ATP2A2: variants seen among roughly 807,000 people sequenced by gnomAD.
ATP2A2 encodes the protein ATPase sarcoplasmic/endoplasmic reticulum Ca2+ transporting 2, also known as sarcoplasmic/endoplasmic reticulum calcium ATPase 2.
In ATP2A2, 14 loss-of-function variants were observed where a neutral mutation model predicts 109.3. The ratio of observed to expected loss-of-function variants is 0.13; its 90% CI spans 0.08 to 0.20. The LOEUF (loss-of-function observed/expected upper bound fraction) is 0.20, where lower values mean the gene tolerates loss of function less well. Ranked by LOEUF, ATP2A2 falls within the 10% of genes least tolerant of loss-of-function variation. ATP2A2 has a pLI of 1.00. For synonymous variants in ATP2A2, 506 were observed against 490.9 expected (o/e 1.03, Z -0.41); for missense variants, 657 against 1,321.6 (o/e 0.50, Z 7.80).
At chr12:110,337,812 TAACGCTGACAGTGTGTTTAC>T (rs1329766065) in intron 11 of ATP2A2, among the ~76,000 whole-genome samples, 4 of 152,226 alleles carry the variant, frequency 2.6e-5, no homozygotes, top group Non-Finnish European at 5.9e-5. Flanking sequence ...AGTGTGTCTT[TAACGCTGACAGTGTGTTTAC>T]ACAGAGACCA....
rs1037302087 is a variant in ATP2A2 at position 110,287,658 on chromosome 12, A to T, written c.220-4362A>T. Among the ~76,000 whole-genome samples, 5 of 152,286 alleles carry T rather than the reference A, an allele frequency of 3.3e-5. No individual in the cohort carries two copies. In the South Asian group the frequency reaches 6.2e-4, roughly 19 times the overall value. ...GAGACGGAGTCCTGCTCTGTCGCCCAGATTGGAGTGCAGTGGTGCGATCTT... is the reference window on the plus strand; with the variant it reads ...GAGACGGAGTCCTGCTCTGTCGCCCTGATTGGAGTGCAGTGGTGCGATCTT... On this transcript the variant is annotated intron_variant, in intron 3 of 19. Coordinates refer to ENST00000539276, the MANE Select transcript of ATP2A2 (RefSeq NM_170665.4).
In ATP2A2 at chr12:110,346,764, T is replaced by A. The variant is rs1228368859; in HGVS notation, c.*294T>A. 2.5e-6 allele frequency: 3 copies of A among 1,197,358 alleles called. No individual in the cohort carries two copies. The highest frequency in any genetic ancestry group is 4.9e-5 in the East Asian group (1 of 20,424). The allele number at this position is 1,197,358 out of a possible 1,614,324, so 74.2% of individuals were successfully genotyped here. A position where few individuals can be genotyped will look rare whatever the true frequency, so the allele number is the denominator to read the frequency against. ...GTTCTGTTTAATACTCATCCTTGTATAAAAAAAATAGTTGAGCCAGCAGAC... is the reference window on the plus strand; with the variant it reads ...GTTCTGTTTAATACTCATCCTTGTAAAAAAAAAATAGTTGAGCCAGCAGAC... On this transcript the variant is annotated 3_prime_UTR_variant, in exon 20 of 20. Coordinates refer to ENST00000539276, the MANE Select transcript of ATP2A2 (RefSeq NM_170665.4).
chr12:110,281,092 TGCGCGGCAGCGTGGGCGCCAG>T (rs1872007828), upstream of ATP2A2: 1 of 149,824 alleles, frequency 6.7e-6, no homozygotes, highest in Admixed American at 6.6e-5. Flanking sequence ...GGGCGGGGCC[TGCGCGGCAGCGTGGGCGCCAG>T]GCGCGCGGGA....
intron 3 of ATP2A2, among the ~76,000 whole-genome samples, chr12:110,284,622 C>T (rs1182990619): frequency 6.6e-6 from 1 of 152,136 alleles, no homozygotes; most frequent in African/African-American, 2.4e-5. Flanking sequence ...GTAAGCATTT[C>T]AAGCAGGTTT....
chr12:110,291,406 A>T (rs570288785), intron 3 of ATP2A2, among the ~76,000 whole-genome samples: 10 of 142,566 alleles, frequency 7.0e-5, no homozygotes, highest in Non-Finnish European at 1.4e-4. Context: ...GGGTTTCGCC[A>T]TGTCGGCCAG....
Position 110,346,603 on chromosome 12 carries a change from T to C in ATP2A2, c.*133T>C. ...GATGGAGGTTTCATACTCTAGATTT[T>C]GTTTTGCTTTTTCTGACTCCAGTGG... is the stretch of plus-strand genomic sequence containing the variant. On this transcript the variant is annotated 3_prime_UTR_variant, in exon 20 of 20. Coordinates refer to ENST00000539276, the MANE Select transcript of ATP2A2 (RefSeq NM_170665.4). The C allele has an allele frequency of 6.6e-7, 1 of 1,509,868 alleles. No homozygotes were observed. The highest frequency in any genetic ancestry group is 8.8e-7 in the Non-Finnish European group (1 of 1,136,562). 93.5% of individuals were successfully genotyped at this position (1,509,868 alleles called of 1,614,324 possible).
chr12:110,348,173 TA>T lies in ATP2A2; in HGVS notation c.*1708del, dbSNP rs1194644663. On this transcript the variant is annotated 3_prime_UTR_variant, in exon 20 of 20. Coordinates refer to ENST00000539276, the MANE Select transcript of ATP2A2 (RefSeq NM_170665.4). ...TCCCAGAACATTGCTACTTATTTAT[TA>T]AAAAGCTAAAAACTAGTGAAAGCAA... The T allele has an allele frequency of 2.0e-6, 2 of 985,176 alleles. No homozygotes were observed. The highest frequency in any genetic ancestry group is 2.4e-6 in the Non-Finnish European group (2 of 829,850). The allele number at this position is 985,176 out of a possible 1,614,324, so 61.0% of individuals were successfully genotyped here.
intron 4 of ATP2A2, among the ~76,000 whole-genome samples, chr12:110,294,265 G>C (rs577298600): frequency 6.6e-6 from 1 of 151,904 alleles, no homozygotes; most frequent in Non-Finnish European, 1.5e-5. Context: ...GGATGGTCTC[G>C]ATCTCCTGAC....
chr12:110,324,586 T>C (rs1194979241), intron 6 of ATP2A2, among the ~76,000 whole-genome samples: 1 of 152,164 alleles, frequency 6.6e-6, no homozygotes, highest in Non-Finnish European at 1.5e-5. Context: ...CATGCCCAGC[T>C]TATTTTTGTA....
At chr12:110,326,034 T>C (rs1877765205) in intron 6 of ATP2A2, 1 of 308,428 alleles carries the variant, frequency 3.2e-6, no homozygotes, top group Non-Finnish European at 6.3e-6. Flanking sequence ...TTTATTAAAG[T>C]ATACAACAAA....
rs772144757 is a variant in ATP2A2, at chr12:110,339,383, A to T, written c.1522A>T (p.Met508Leu). The T allele has an allele frequency of 6.2e-7, 1 of 1,614,218 alleles. No individual in the cohort carries two copies. The highest frequency in any genetic ancestry group is 8.5e-7 in the Non-Finnish European group (1 of 1,180,050). ...ACCAAATAAACCAAGCAGGACATCAATGAGCAAGATGTTTGTGAAGGCAAG... is the reference window on the plus strand; with the variant it reads ...ACCAAATAAACCAAGCAGGACATCATTGAGCAAGATGTTTGTGAAGGCAAG... The part of the protein sequence containing the change: ...CTPNKPSRTS[M>L]SKMFVKGAPE... Residue 508 changes from methionine to leucine, a missense_variant, in exon 12 of 20, where the codon ATG becomes TTG. Met to Leu is a conservative substitution (Grantham distance 15). Around this residue, in one of 9 missense-constraint regions of ATP2A2, gnomAD observed 180 missense variants for 329.1 expected, o/e 0.55. Transcript: ENST00000539276. This position sits in a 1 kb window ranked among gnomAD's most constrained non-coding sequence, Gnocchi z 4.4.
Position 110,348,583 on chromosome 12 carries a change from G to C in ATP2A2, c.*2113G>C, listed in dbSNP as rs1219234829. 1.0e-6 allele frequency: 1 copy of C among 985,502 alleles called. No homozygotes were observed. The highest frequency in any genetic ancestry group is 1.2e-6 in the Non-Finnish European group (1 of 830,044). The allele number at this position is 985,502 out of a possible 1,614,324, so 61.0% of individuals were successfully genotyped here. On this transcript the variant is annotated 3_prime_UTR_variant, in exon 20 of 20. Coordinates refer to ENST00000539276, the MANE Select transcript of ATP2A2 (RefSeq NM_170665.4). Reference sequence around the variant, plus strand: ...AGACCGACTCTTAAAAGCACAGTCCGTGGTTGGGTGTGGTGGCTCATGCCT... The same window carrying C: ...AGACCGACTCTTAAAAGCACAGTCCCTGGTTGGGTGTGGTGGCTCATGCCT...
Position 110,281,418 on chromosome 12 carries a change from C to G in ATP2A2, c.-372C>G, listed in dbSNP as rs1364501305. ...TCCGCCCTCAGTGGTCTGCCGGGCGCCCCCTCCTCCGGCCCGGGCGGGGCC... is the reference window on the plus strand; with the variant it reads ...TCCGCCCTCAGTGGTCTGCCGGGCGGCCCCTCCTCCGGCCCGGGCGGGGCC... On this transcript the variant is annotated 5_prime_UTR_variant, in exon 1 of 20. Coordinates refer to ENST00000539276, the MANE Select transcript of ATP2A2 (RefSeq NM_170665.4). The G allele has an allele frequency of 6.6e-6, 1 of 152,368 alleles. No homozygotes were observed. The highest frequency in any genetic ancestry group is 2.4e-5 in the African/African-American group (1 of 41,360). The allele number at this position is 152,368 out of a possible 1,614,324, so 9.4% of individuals were successfully genotyped here. A position where few individuals can be genotyped will look rare whatever the true frequency, so the allele number is the denominator to read the frequency against.
chr12:110,346,183 G>A lies in ATP2A2; in HGVS notation c.2860-18G>A, dbSNP rs200637732. ...CCAGGGGAGGCTGGAGGCGTGACAC[G>A]TCTTCCCTGTGTGTCAGCTCATCTT... On this transcript the variant is annotated intron_variant, in intron 19 of 19. Coordinates refer to ENST00000539276, the MANE Select transcript of ATP2A2 (RefSeq NM_170665.4). The A allele has an allele frequency of 8.8e-5, 142 of 1,613,962 alleles. No individual in the cohort carries two copies. In the African/African-American group the frequency reaches 1.1e-3, roughly 13 times the overall value.
chr12:110,341,210 G>T (rs1386630438), intron 14 of ATP2A2, among the ~76,000 whole-genome samples: 1 of 149,988 alleles, frequency 6.7e-6, no homozygotes, highest in African/African-American at 2.4e-5. Context: ...GGGCCTTCCA[G>T]ATCAGTCCCA....
At chr12:110,325,093 A>G (rs917816708) in intron 6 of ATP2A2, among the ~76,000 whole-genome samples, 12 of 152,238 alleles carry the variant, frequency 7.9e-5, no homozygotes, top group African/African-American at 2.9e-4. Context: ...GATTACAGAC[A>G]TAAGTCATCA....
At chr12:110,295,154 G>A (rs1349072084) in intron 4 of ATP2A2, among the ~76,000 whole-genome samples, 1 of 151,570 alleles carries the variant, frequency 6.6e-6, no homozygotes, top group Non-Finnish European at 1.5e-5. Flanking sequence ...TTGTTCTCAG[G>A]GTCAGAGATA....
chr12:110,300,205 A>T (rs1231553714), intron 5 of ATP2A2, among the ~76,000 whole-genome samples: 23 of 59,540 alleles, frequency 3.9e-4, no homozygotes, highest in South Asian at 4.8e-4. Context: ...TTTTTTTTTT[A>T]ACTTGGAGAC....
intron 5 of ATP2A2, among the ~76,000 whole-genome samples, chr12:110,306,131 C>T (rs1441559139): frequency 6.6e-6 from 1 of 152,174 alleles, no homozygotes; most frequent in African/African-American, 2.4e-5. Context: ...CTCCGCCTCT[C>T]GGGTTCACGC....
Sources: allele counts gnomAD v4.1 joint callset (sites outside exome capture counted in the v4.1 genomes callset), GRCh38; gene constraint gnomAD v4.1.1; regional missense constraint gnomAD v4.1.1; non-coding constraint Gnocchi (gnomAD v3.1); transcripts MANE v1.5; gene names NCBI Gene and HGNC (gene_info 2026-07-23, HGNC 2026-07-21).